Variants in WDR82 observed in about 807,000 individuals in gnomAD.
The protein encoded by WDR82 is WD repeat domain 82.
WDR82 carries 8 observed loss-of-function variants against 36.1 expected under a neutral mutation model. The ratio of observed to expected loss-of-function variants is 0.22; its 90% CI spans 0.13 to 0.40. The LOEUF is 0.40. Among genes scored for constraint, WDR82 ranks in the 10% least tolerant of loss-of-function variants. The pLI is 1.00. For synonymous variants in WDR82, 129 were observed against 137.8 expected (o/e 0.94, Z 0.45); for missense variants, 185 against 400.5 (o/e 0.46, Z 4.59).
At chr3:52,263,990 CCT>C (rs1324871635) in intron 3 of WDR82, among the ~76,000 whole-genome samples, 1 of 151,966 alleles carries the variant, frequency 6.6e-6, no homozygotes, top group East Asian at 1.9e-4. Context: ...ATGGTGAAAC[CCT>C]GTCTCTATAA....
Position 52,256,527 on chromosome 3 carries a change from C to T in WDR82, c.*963G>A, listed in dbSNP as rs1198087087. On this transcript the variant is annotated 3_prime_UTR_variant, in exon 9 of 9. Coordinates refer to ENST00000296490, the MANE Select transcript of WDR82 (RefSeq NM_025222.4). ...TGGGAGCTGGGGAAAGGGGTGGTAT[C>T]ATCTGAAGACTATGTACACAATTTG... 1 of 153,714 alleles carries T rather than the reference C, an allele frequency of 6.5e-6. No homozygotes were observed. Among genetic ancestry groups the T allele is most frequent in the Non-Finnish European group, 1.5e-5 (1 of 68,054 alleles). 9.5% of individuals were successfully genotyped at this position (153,714 alleles called of 1,614,324 possible).
chr3:52,261,815 T>C lies in WDR82; in HGVS notation c.327-336A>G, dbSNP rs1458220732. Among the ~76,000 whole-genome samples the C allele has an allele frequency of 3.9e-5, 6 of 152,170 alleles. No homozygotes were observed. The East Asian group carries it at 7.7e-4, about 20-fold the overall frequency. ...GCAGAGAAATTGGAACCCTCATACA[T>C]TGCTAATGGAAATGTAAAAATGGTA... is the stretch of plus-strand genomic sequence containing the variant. On this transcript the variant is annotated intron_variant, in intron 3 of 8. Coordinates refer to ENST00000296490, the MANE Select transcript of WDR82 (RefSeq NM_025222.4).
rs1307977062 is a variant in WDR82, at chr3:52,257,413, A to T, written c.*77T>A. ...CAGCCCAGTCAAATGATCCAATCCC[A>T]CTATTATCTCAGTTCCCTCTGAGTT... On this transcript the variant is annotated 3_prime_UTR_variant, in exon 9 of 9. Transcript: ENST00000296490. 1 of 1,591,466 alleles carries T rather than the reference A, an allele frequency of 6.3e-7. No homozygotes were observed. The highest frequency in any genetic ancestry group is 8.6e-7 in the Non-Finnish European group (1 of 1,159,674).
intron 3 of WDR82, among the ~76,000 whole-genome samples, chr3:52,265,803 T>G (rs894856198): frequency 1.6e-4 from 24 of 152,114 alleles, no homozygotes; most frequent in African/African-American, 5.6e-4. Context: ...TTTGAACTCC[T>G]GCACTCAAGC....
chr3:52,257,214 C>T lies in WDR82; in HGVS notation c.*276G>A, dbSNP rs1349187526. On this transcript the variant is annotated 3_prime_UTR_variant, in exon 9 of 9. Transcript: ENST00000296490. The stretch of plus-strand genomic sequence containing the variant: ...GCTTGAGAGCCCCACTATACCAAAT[C>T]GTGAGTCTGGTCACTCCTCCAGCAG... 7 of 516,246 alleles carry T rather than the reference C, an allele frequency of 1.4e-5. No individual in the cohort carries two copies. Among genetic ancestry groups the T allele is most frequent in the Middle Eastern group, 5.2e-4 (1 of 1,914 alleles). 32.0% of individuals were successfully genotyped at this position (516,246 alleles called of 1,614,324 possible).
At chr3:52,259,406 C>T in intron 6 of WDR82, 140 bp from the exon 7 acceptor site, 1 of 890,862 alleles carries the variant, frequency 1.1e-6, no homozygotes, top group Non-Finnish European at 1.7e-6. Context: ...ACCAAGCTTC[C>T]AAATGTGGTT....
intron 6 of WDR82, 40 bp downstream of exon 6, chr3:52,259,677 T>C (rs750961067): frequency 3.8e-6 from 6 of 1,588,160 alleles, no homozygotes; most frequent in South Asian, 1.1e-5. Flanking sequence ...ATAGGAAGTA[T>C]GAGCATGGAA....
In WDR82 at chr3:52,278,256, C is replaced by T. The variant is rs769473630; in HGVS notation, c.106G>A (p.Val36Ile). ...GAGTCGTCGTCGCTACTCGAGATGA[C>T]CGTCTCGCCGTTGGGGCTGAAATCG... ...CFDFSPNGET[V>I]ISSSDDDSIV... Residue 36 changes from valine (V) to isoleucine (I), a missense_variant, in exon 1 of 9, where the codon GTC (valine) becomes ATC (isoleucine). Physicochemically the swap from Val to Ile is conservative, Grantham distance 29. Transcript: ENST00000296490. 5.0e-6 allele frequency: 8 copies of T among 1,611,000 alleles called. No homozygotes were observed. The highest frequency in any genetic ancestry group is 6.8e-6 in the Non-Finnish European group (8 of 1,178,782).
At chr3:52,257,582 C>T in intron 8 of WDR82, 63 bp from the exon 9 acceptor site, 2 of 1,606,878 alleles carry the variant, frequency 1.2e-6, no homozygotes, top group Non-Finnish European at 1.7e-6. Context: ...AACGGTTCTT[C>T]ACATCCCACC....
chr3:52,267,962 T>TAAAG (rs1700120751), intron 2 of WDR82: 2 of 175,340 alleles, frequency 1.1e-5, no homozygotes, highest in Non-Finnish European at 2.5e-5. Context: ...AACATAGGAA[T>TAAAG]AAAGGGGTTG....
At chr3:52,273,644 A>C (rs998983423) in intron 1 of WDR82, among the ~76,000 whole-genome samples, 2 of 152,018 alleles carry the variant, frequency 1.3e-5, no homozygotes, top group Admixed American at 6.6e-5. Flanking sequence ...TGTTTTTGAG[A>C]CATTCTCGCT....
chr3:52,265,287 G>A (rs555378425), intron 3 of WDR82, among the ~76,000 whole-genome samples: 180 of 104,098 alleles, frequency 1.7e-3, no homozygotes, highest in Middle Eastern at 0.01. Context: ...GCGACAGAGC[G>A]AGACTCTGTC....
At chr3:52,268,498 T>C in intron 2 of WDR82, 1 of 326,272 alleles carries the variant, frequency 3.1e-6, no homozygotes, top group Non-Finnish European at 6.7e-6. Flanking sequence ...TGCACCACAT[T>C]TGGAGAATCC....
At chr3:52,268,003 G>C (rs1700121205) in intron 2 of WDR82, 1 of 215,074 alleles carries the variant, frequency 4.6e-6, no homozygotes, top group Non-Finnish European at 9.8e-6. Flanking sequence ...GGGTTCACAG[G>C]GGTGCTTTCT....
At chr3:52,268,479 G>T in intron 2 of WDR82, 1 of 350,362 alleles carries the variant, frequency 2.9e-6, no homozygotes. Context: ...CCACACATTT[G>T]CCTCATCTTG....
intron 8 of WDR82, among the ~76,000 whole-genome samples, chr3:52,258,118 G>A (rs1319452970): frequency 2.0e-5 from 3 of 152,090 alleles, no homozygotes; most frequent in African/African-American, 7.2e-5. Context: ...AATTCTAAGT[G>A]GTGAGTTATG....
At chr3:52,272,824 T>TA (rs1294382828) in intron 1 of WDR82, among the ~76,000 whole-genome samples, 1 of 152,210 alleles carries the variant, frequency 6.6e-6, no homozygotes, top group Non-Finnish European at 1.5e-5. Context: ...AGAAGTCAGT[T>TA]ATTTGCACTT....
At chr3:52,263,258 G>A (rs1403732658) in intron 3 of WDR82, among the ~76,000 whole-genome samples, 2 of 152,170 alleles carry the variant, frequency 1.3e-5, no homozygotes, top group East Asian at 1.9e-4. Context: ...GTAAGACCCC[G>A]ACCGTAAGGA....
In WDR82 at chr3:52,264,624, T is replaced by C. The variant is rs903793954; in HGVS notation, c.326+2328A>G. Among the ~76,000 whole-genome samples the C allele has an allele frequency of 3.0e-4, 46 of 152,132 alleles. 2 individuals carry two copies. Among genetic ancestry groups the C allele is most frequent in the Non-Finnish European group, 4.6e-4 (31 of 67,996 alleles). ...GGGTGATAGGGTCAATAAGTAGATT[T>C]AAGATAAGAAAGACCAAGTAAATTT... On this transcript the variant is annotated intron_variant, in intron 3 of 8. Transcript: ENST00000296490.
Sources: gnomAD v4.1 joint callset for allele counts (sites outside exome capture counted in the v4.1 genomes callset) on GRCh38, gnomAD v4.1.1 for gene constraint, MANE v1.5 for transcripts, NCBI Gene and HGNC (gene_info 2026-07-23, HGNC 2026-07-21) for gene names.